Variants in NFASC observed in about 807,000 individuals in gnomAD.
NFASC encodes neurofascin homolog.
NFASC carries 43 observed loss-of-function variants against 147.5 expected under a neutral mutation model. The observed-to-expected ratio is 0.29, with a 90% CI of 0.23 to 0.38. NFASC has a LOEUF of 0.38. NFASC is among the 10% of genes least tolerant of loss of function. NFASC has a pLI of 1.00. For synonymous variants in NFASC, 622 were observed against 665.5 expected (o/e 0.93, Z 1.01); for missense variants, 1,320 against 1,689.0 (o/e 0.78, Z 3.83).
In NFASC at chr1:204,831,446, G is replaced by A. The variant is rs549269107; in HGVS notation, c.-200+2664G>A. 1.1e-3 allele frequency among the ~76,000 whole-genome samples: 174 copies of A among 151,692 alleles called. 2 individuals are homozygous for A. The South Asian group carries it at 0.012, about 10-fold the overall frequency. ...CTGGCTTTGCATTTCTGGGGTGGGT[G>A]GGCCAGAGGAGGGTCTGATTTCTGT... On this transcript the variant is annotated intron_variant, in intron 1 of 29. Coordinates refer to ENST00000339876, the MANE Select transcript of NFASC (RefSeq NM_001005388.3).
chr1:204,986,023 C>T lies in NFASC; in HGVS notation c.2471-1395C>T. 1 of 1,614,120 alleles carries T rather than the reference C, an allele frequency of 6.2e-7. No individual in the cohort carries two copies. Among genetic ancestry groups the T allele is most frequent in the Non-Finnish European group, 8.5e-7 (1 of 1,179,968 alleles). On this transcript the variant is annotated intron_variant, in intron 21 of 29. Transcript: ENST00000339876. This position sits in a 1 kb window ranked among gnomAD's most constrained non-coding sequence, Gnocchi z 4.2. ...GTGGCGTGGTGTCCCGCCTCTTCCC[C>T]TACAGTAACTACAAGCTGGAGATGG... is the stretch of plus-strand genomic sequence containing the variant.
intron 27 of NFASC, among the ~76,000 whole-genome samples, chr1:205,007,360 C>T (rs2096140387): frequency 6.6e-6 from 1 of 150,508 alleles, no homozygotes; most frequent in Non-Finnish European, 1.5e-5. Flanking sequence ...AACACCACTG[C>T]ACTCCAACCT....
chr1:204,863,847 CAA>C (rs35987665), intron 1 of NFASC, among the ~76,000 whole-genome samples: 1,181 of 61,678 alleles, frequency 0.019, 17 homozygotes, highest in African/African-American at 0.051. Flanking sequence ...GACTCTGTCT[CAA>C]AAAAAAAAAA....
intron 1 of NFASC, among the ~76,000 whole-genome samples, chr1:204,876,085 T>C (rs1439495644): frequency 3.3e-5 from 5 of 152,348 alleles, no homozygotes; most frequent in African/African-American, 1.2e-4. Flanking sequence ...CGCTCTTGCT[T>C]TATTTCTTAG....
intron 8 of NFASC, among the ~76,000 whole-genome samples, chr1:204,965,324 G>A (rs1471172801): frequency 1.3e-5 from 2 of 152,040 alleles, no homozygotes; most frequent in Admixed American, 6.5e-5. Flanking sequence ...ACTTCTCCAG[G>A]GAAGGAAATT....
intron 3 of NFASC, among the ~76,000 whole-genome samples, chr1:204,945,512 T>C (rs1200656770): frequency 2.9e-5 from 4 of 137,988 alleles, no homozygotes; most frequent in Non-Finnish European, 6.5e-5. Flanking sequence ...TCACCCATAA[T>C]AGCTGCCCCT....
chr1:204,988,861 T>G lies in NFASC; in HGVS notation c.2767+55T>G, dbSNP rs1454480608. On this transcript the variant is annotated intron_variant, in intron 23 of 29. Coordinates refer to ENST00000339876, the MANE Select transcript of NFASC (RefSeq NM_001005388.3). ...AAAGGTCCCAGCTAATTCCGAGGCC[T>G]AGAGAAACACTGAGATCTGTAGCTG... is the stretch of plus-strand genomic sequence containing the variant. 3.9e-6 allele frequency: 6 copies of G among 1,531,022 alleles called. No individual in the cohort carries two copies. The East Asian group carries it at 1.3e-4, about 34-fold the overall frequency. The allele number at this position is 1,531,022 out of a possible 1,614,324, so 94.8% of individuals were successfully genotyped here.
chr1:204,874,464 G>T (rs1466132616), intron 1 of NFASC, among the ~76,000 whole-genome samples: 1 of 152,186 alleles, frequency 6.6e-6, no homozygotes, highest in African/African-American at 2.4e-5. Flanking sequence ...CTGCTTGGGG[G>T]CCTGGGAGTG....
chr1:205,012,281 A>C (rs1463491339), intron 28 of NFASC, among the ~76,000 whole-genome samples: 1 of 152,172 alleles, frequency 6.6e-6, no homozygotes, highest in African/African-American at 2.4e-5. Context: ...GAGAAGAGAC[A>C]CTTTCCATCC....
In NFASC at chr1:204,970,694, A is replaced by G. The variant is rs192722996; in HGVS notation, c.1082A>G (p.Asn361Ser). Residue 361 changes from asparagine (N) to serine (S), a missense_variant, in exon 11 of 30, where the codon AAT becomes AGT. Around this residue, in one of 3 missense-constraint regions of NFASC, gnomAD observed 981 missense variants for 1,289.5 expected, o/e 0.76. Transcript: ENST00000339876. The stretch of plus-strand genomic sequence containing the variant: ...GATGGGAGACTGGTGTGTCGAGCCA[A>G]TGGAAACCCCAAACCCACTGTCCAG... ...GEDGRLVCRA[N>S]GNPKPTVQWM... 198 of 1,614,228 alleles carry G rather than the reference A, an allele frequency of 1.2e-4. No individual in the cohort carries two copies. Among genetic ancestry groups the G allele is most frequent in the Non-Finnish European group, 1.4e-4 (169 of 1,180,040 alleles).
intron 1 of NFASC, among the ~76,000 whole-genome samples, chr1:204,902,376 A>C (rs2084823565): frequency 1.3e-5 from 2 of 152,264 alleles, no homozygotes; most frequent in Non-Finnish European, 2.9e-5. Context: ...CGTTGGCCTT[A>C]TTTGGATTCT....
chr1:204,933,587 C>T (rs1009128319), intron 2 of NFASC, among the ~76,000 whole-genome samples: 4 of 151,984 alleles, frequency 2.6e-5, no homozygotes, highest in African/African-American at 7.3e-5. Context: ...TCTCAGAAGC[C>T]AAGGAAGAAA....
At chr1:204,894,145 A>G (rs544369286) in intron 1 of NFASC, among the ~76,000 whole-genome samples, 11 of 152,236 alleles carry the variant, frequency 7.2e-5, no homozygotes, top group Non-Finnish European at 1.3e-4. Flanking sequence ...TAGGAATAAG[A>G]TATCAGGCCT....
rs776134889 is a variant in NFASC, at chr1:204,954,908, C to T, written c.492C>T (p.Pro164=). Residue 164 remains proline (P), a synonymous_variant, in exon 7 of 30, where the codon CCC becomes CCT. Coordinates refer to ENST00000339876, the MANE Select transcript of NFASC (RefSeq NM_001005388.3). This position sits in a 1 kb window ranked among gnomAD's most constrained non-coding sequence, Gnocchi z 5.7. The part of the protein sequence containing the change: ...EGAPLTLQCN[P]PPGLPSPVIF... ...CTCCTTTGACGCTCCAGTGCAACCC[C>T]CCGCCTGGACTTCCATCCCCGGTCA... The T allele has an allele frequency of 5.0e-6, 8 of 1,614,050 alleles. No individual in the cohort carries two copies.
intron 1 of NFASC, among the ~76,000 whole-genome samples, chr1:204,831,216 C>T (rs1672149964): frequency 6.6e-6 from 1 of 151,732 alleles, no homozygotes; most frequent in Non-Finnish European, 1.5e-5. Context: ...TGAATTTCAC[C>T]CCTCACCCCC....
intron 2 of NFASC, among the ~76,000 whole-genome samples, chr1:204,921,994 A>G (rs974206660): frequency 1.6e-4 from 25 of 152,116 alleles, no homozygotes; most frequent in African/African-American, 4.6e-4. Context: ...ACTTGAACAT[A>G]CTGACTGACA....
Position 204,975,338 on chromosome 1 carries a change from G to A in NFASC, c.1626G>A (p.Glu542=), listed in dbSNP as rs745654877. The A allele has an allele frequency of 2.5e-6, 4 of 1,614,148 alleles. No homozygotes were observed. The Admixed American group carries it at 6.7e-5, about 27-fold the overall frequency. Residue 542 remains glutamate, a synonymous_variant, in exon 15 of 30, where the codon GAG becomes GAA. Coordinates refer to ENST00000339876, the MANE Select transcript of NFASC (RefSeq NM_001005388.3). The surrounding 1 kb of genome is among the most constrained non-coding windows in gnomAD (Gnocchi z 4.0). ...GAAGGGGCACCACGGTGCAGCTGGA[G>A]TGTCGGGTGAAGCACGACCCCTCCC... ...VARRGTTVQL[E]CRVKHDPSLK...
At chr1:205,000,926 G>T in intron 25 of NFASC, 1 of 557,258 alleles carries the variant, frequency 1.8e-6, no homozygotes, top group Non-Finnish European at 3.2e-6. Flanking sequence ...CCTCCCGACT[G>T]TACCTGCTTG....
chr1:204,904,542 T>C (rs2085362474), intron 1 of NFASC, among the ~76,000 whole-genome samples: 1 of 152,370 alleles, frequency 6.6e-6, no homozygotes, highest in East Asian at 1.9e-4. Flanking sequence ...TTGACAAGCA[T>C]GGCTGTGAAG....
Sources: gnomAD v4.1 joint callset for allele counts (sites outside exome capture counted in the v4.1 genomes callset) on GRCh38, gnomAD v4.1.1 for gene constraint, gnomAD v4.1.1 regional missense constraint, Gnocchi (gnomAD v3.1) non-coding constraint, MANE v1.5 for transcripts, NCBI Gene and HGNC (gene_info 2026-07-23, HGNC 2026-07-21) for gene names.